The following GDA variants were observed in gnomAD, a reference collection of about 807,000 sequenced individuals.
GDA encodes cytoplasmic PSD-95 interactor.
In GDA, 18 loss-of-function variants were observed where a neutral mutation model predicts 59.6. The observed-to-expected ratio is 0.30, with a 90% CI of 0.21 to 0.45. The LOEUF (loss-of-function observed/expected upper bound fraction) is 0.45, where lower values mean the gene tolerates loss of function less well. Ranked by LOEUF, GDA falls within the 20% of genes least tolerant of loss-of-function variation. The pLI, the probability that GDA is intolerant of heterozygous loss-of-function variation, is 1.00. For missense variants in GDA, 427 were observed against 552.3 expected (o/e 0.77, Z 2.27); for synonymous variants, 201 against 201.1 (o/e 1.00, Z 0.00).
chr9:72,209,062 G>A (rs1835054289), intron 3 of GDA, among the ~76,000 whole-genome samples: 1 of 149,430 alleles, frequency 6.7e-6, no homozygotes, highest in Non-Finnish European at 1.5e-5. Flanking sequence ...ATCCAATGTC[G>A]TTGTGAGTCC....
intron 9 of GDA, among the ~76,000 whole-genome samples, chr9:72,229,465 C>T (rs1301404480): frequency 2.0e-5 from 3 of 152,064 alleles, no homozygotes; most frequent in East Asian, 3.9e-4. Flanking sequence ...TGTGGGCTCC[C>T]GGAGTTTAAT....
intron 1 of GDA, among the ~76,000 whole-genome samples, chr9:72,150,732 C>A (rs773842835): frequency 6.6e-6 from 1 of 152,170 alleles, no homozygotes; most frequent in East Asian, 1.9e-4. Flanking sequence ...AATCGTGACT[C>A]TTACATTTGG....
chr9:72,235,885 A>G (rs1838933615), intron 10 of GDA, among the ~76,000 whole-genome samples: 1 of 152,216 alleles, frequency 6.6e-6, no homozygotes, highest in African/African-American at 2.4e-5. Context: ...TGAAGGAAAA[A>G]TTTAAACATA....
chr9:72,170,300 C>T (rs1272423105), intron 1 of GDA, among the ~76,000 whole-genome samples: 2 of 152,152 alleles, frequency 1.3e-5, no homozygotes, highest in East Asian at 3.8e-4. Flanking sequence ...AAAAATGGCT[C>T]TCCCAGTTCT....
At chr9:72,179,307 T>C (rs1830895062) in intron 1 of GDA, among the ~76,000 whole-genome samples, 1 of 152,222 alleles carries the variant, frequency 6.6e-6, no homozygotes, top group African/African-American at 2.4e-5. Context: ...TAATACCTTA[T>C]GTTTACAGAG....
At chr9:72,161,015 T>A (rs1198137773) in intron 1 of GDA, among the ~76,000 whole-genome samples, 1 of 152,022 alleles carries the variant, frequency 6.6e-6, no homozygotes, top group Non-Finnish European at 1.5e-5. Flanking sequence ...CAAGCAATTC[T>A]CCACCCGCCA....
chr9:72,130,837 GA>G (rs112347800), intron 1 of GDA, among the ~76,000 whole-genome samples: 15,669 of 152,204 alleles, frequency 0.1, 1,542 homozygotes, highest in African/African-American at 0.26. Flanking sequence ...AGGCAGATAA[GA>G]GTCCCTGGAC....
chr9:72,147,278 G>A (rs1166575658), upstream of GDA, among the ~76,000 whole-genome samples: 1 of 152,204 alleles, frequency 6.6e-6, no homozygotes, highest in East Asian at 1.9e-4. Flanking sequence ...CGTGATCTCA[G>A]CTCACTGCAA....
chr9:72,156,426 C>T (rs914782065), intron 1 of GDA, among the ~76,000 whole-genome samples: 2 of 152,200 alleles, frequency 1.3e-5, no homozygotes, highest in African/African-American at 4.8e-5. Context: ...TCCTGCCAAG[C>T]TCAGCAACTC....
At chr9:72,161,466 A>T (rs117208747) in intron 1 of GDA, among the ~76,000 whole-genome samples, 2 of 150,620 alleles carry the variant, frequency 1.3e-5, no homozygotes, top group South Asian at 2.1e-4. Flanking sequence ...ATGCCAATGT[A>T]TGTGGTTACT....
chr9:72,119,708 G>GA (rs1046681952), intron 1 of GDA, among the ~76,000 whole-genome samples: 2 of 151,922 alleles, frequency 1.3e-5, no homozygotes, highest in African/African-American at 4.8e-5. Flanking sequence ...GAGTGATTTG[G>GA]AAAAAAATTC....
chr9:72,201,941 C>T (rs902136482), intron 2 of GDA, among the ~76,000 whole-genome samples: 3 of 152,164 alleles, frequency 2.0e-5, no homozygotes, highest in Non-Finnish European at 2.9e-5. Flanking sequence ...ACTCCCTCTT[C>T]GCTTCACTAC....
At chr9:72,163,842 TGTTTCAGGTGCAGGAGGCA>T (rs1315043125) in intron 1 of GDA, among the ~76,000 whole-genome samples, 9 of 152,254 alleles carry the variant, frequency 5.9e-5, no homozygotes, top group East Asian at 1.9e-4. Flanking sequence ...TAGATAAAAC[TGTTTCAGGTGCAGGAGGCA>T]GTTTCAGGTG....
chr9:72,224,225 A>G lies in GDA; in HGVS notation c.714+998A>G, dbSNP rs1253991214. ...ACAAAATCAAGTTTATCCTTGCTAG[A>G]GAGATGCATGTGGATGTATGCACAT... On this transcript the variant is annotated intron_variant, in intron 7 of 13. Coordinates refer to ENST00000358399, the MANE Select transcript of GDA (RefSeq NM_004293.5). Among the ~76,000 whole-genome samples the G allele has an allele frequency of 2.0e-5, 3 of 152,346 alleles. No homozygotes were observed. The East Asian group carries it at 5.8e-4, about 29-fold the overall frequency.
intron 1 of GDA, among the ~76,000 whole-genome samples, chr9:72,186,506 C>T (rs949710933): frequency 3.9e-5 from 6 of 152,084 alleles, no homozygotes; most frequent in African/African-American, 1.4e-4. Context: ...GTCTATTTAC[C>T]TCTCTTTATT....
At chr9:72,152,715 G>A (rs1470782896) in intron 1 of GDA, among the ~76,000 whole-genome samples, 1 of 152,126 alleles carries the variant, frequency 6.6e-6, no homozygotes, top group East Asian at 1.9e-4. Context: ...AGTAGGTTGT[G>A]AAAATTTTCT....
At chr9:72,254,437 C>T (rs1840841466), downstream of GDA, among the ~76,000 whole-genome samples, 1 of 150,898 alleles carries the variant, frequency 6.6e-6, no homozygotes, top group African/African-American at 2.4e-5. Context: ...CTCTCCAGTA[C>T]AAAATGCAAT....
chr9:72,117,517 A>T (rs1825496582), intron 1 of GDA, among the ~76,000 whole-genome samples: 1 of 152,190 alleles, frequency 6.6e-6, no homozygotes, highest in Non-Finnish European at 1.5e-5. Flanking sequence ...GCCATATGCA[A>T]TAGGGTGGCT....
chr9:72,249,303 C>A lies in GDA; in HGVS notation c.*961C>A. 1 of 984,940 alleles carries A rather than the reference C, an allele frequency of 1.0e-6. No individual in the cohort carries two copies. The highest frequency in any genetic ancestry group is 1.2e-6 in the Non-Finnish European group (1 of 829,544). The allele number at this position is 984,940 out of a possible 1,614,324, so 61.0% of individuals were successfully genotyped here. On this transcript the variant is annotated 3_prime_UTR_variant, in exon 14 of 14. Coordinates refer to ENST00000358399, the MANE Select transcript of GDA (RefSeq NM_004293.5). ...ATTGCCATGGCCTATTCCACCCAAA[C>A]AATATGTTGTAGTTTCTGGAAATTC...
Sources: gnomAD v4.1 joint callset for allele counts (sites outside exome capture counted in the v4.1 genomes callset) on GRCh38, gnomAD v4.1.1 for gene constraint, MANE v1.5 for transcripts, NCBI Gene and HGNC (gene_info 2026-07-23, HGNC 2026-07-21) for gene names.